The following FGD4 variants were observed in gnomAD, a reference collection of about 807,000 sequenced individuals.
FGD4 encodes the protein FYVE, RhoGEF and PH domain-containing protein 4.
FGD4 carries 42 observed loss-of-function variants against 102.0 expected under a neutral mutation model. That is an observed-to-expected ratio of 0.41 (90% confidence interval 0.32 to 0.53). The LOEUF (loss-of-function observed/expected upper bound fraction) is 0.53. Ranked by LOEUF, FGD4 falls within the 20% of genes least tolerant of loss-of-function variation. The probability of loss-of-function intolerance (pLI) is 0.21; values close to 1 mark genes in which losing one functional copy is unlikely to be tolerated. For missense variants in FGD4, 902 were observed against 1,078.2 expected (o/e 0.84, Z 2.29); for synonymous variants, 380 against 375.7 (o/e 1.01, Z -0.13).
intron 1 of FGD4, among the ~76,000 whole-genome samples, chr12:32,562,185 C>G (rs952393070): frequency 3.3e-5 from 5 of 152,192 alleles, no homozygotes; most frequent in African/African-American, 1.2e-4. Flanking sequence ...TTTCCTTCGC[C>G]TACATTGTAG....
chr12:32,508,629 G>GT (rs905059003), intron 1 of FGD4, among the ~76,000 whole-genome samples: 1 of 152,194 alleles, frequency 6.6e-6, no homozygotes, highest in Non-Finnish European at 1.5e-5. Flanking sequence ...CTGCATGTGT[G>GT]TTTTTTTAGC....
intron 1 of FGD4, among the ~76,000 whole-genome samples, chr12:32,439,040 T>A (rs151185245): frequency 1.3e-5 from 2 of 152,220 alleles, no homozygotes; most frequent in Non-Finnish European, 2.9e-5. Flanking sequence ...ATTATAGATA[T>A]CATGTTGTAC....
Position 32,610,759 on chromosome 12 carries a change from C to CT in FGD4, c.1544-10dup. 3.1e-6 allele frequency: 5 copies of CT among 1,606,328 alleles called. No homozygotes were observed. Among genetic ancestry groups the CT allele is most frequent in the Non-Finnish European group, 2.6e-6 (3 of 1,174,608 alleles). On this transcript the variant is annotated splice_polypyrimidine_tract_variant and intron_variant, in intron 8 of 16. Coordinates refer to ENST00000534526, the MANE Select transcript of FGD4 (RefSeq NM_001370298.3). ...GGACAAAGCATATTTATTTACTTTT[C>CT]TTTTTTTCCCATTTAGAATCACTTG...
chr12:32,579,224 T>G (rs1250629347), intron 3 of FGD4, among the ~76,000 whole-genome samples: 1 of 151,946 alleles, frequency 6.6e-6, no homozygotes, highest in Non-Finnish European at 1.5e-5. Flanking sequence ...ATTTTGTATT[T>G]TTAGTAGAGA....
intron 1 of FGD4, among the ~76,000 whole-genome samples, chr12:32,411,676 A>G (rs1941217283): frequency 6.6e-6 from 1 of 151,634 alleles, no homozygotes; most frequent in Non-Finnish European, 1.5e-5. Flanking sequence ...ATAAAAATCA[A>G]CTCAAAAAGG....
At chr12:32,399,999 C>T in intron 1 of FGD4, 40 bp downstream of exon 1, 8 of 1,424,188 alleles carry the variant, frequency 5.6e-6, no homozygotes, top group African/African-American at 1.5e-5. Flanking sequence ...GGCCCCGGCG[C>T]GTAGGTGCGG....
chr12:32,435,096 A>C (rs965023132), intron 1 of FGD4, among the ~76,000 whole-genome samples: 4 of 152,064 alleles, frequency 2.6e-5, no homozygotes, highest in African/African-American at 4.8e-5. Flanking sequence ...GGCATGCGCC[A>C]CCACGCCTGG....
chr12:32,597,178 TAGAA>T (rs1947977007), intron 4 of FGD4, among the ~76,000 whole-genome samples: 2 of 152,206 alleles, frequency 1.3e-5, no homozygotes, highest in Non-Finnish European at 2.9e-5. Context: ...AGGAAAGTTT[TAGAA>T]AGATCCCTCA....
At chr12:32,468,483 A>G (rs571685412) in intron 1 of FGD4, among the ~76,000 whole-genome samples, 1 of 152,332 alleles carries the variant, frequency 6.6e-6, no homozygotes, top group African/African-American at 2.4e-5. Flanking sequence ...AAAACATTGC[A>G]AACAAATTCA....
At chr12:32,563,181 G>A (rs1397984401) in intron 1 of FGD4, among the ~76,000 whole-genome samples, 6 of 150,676 alleles carry the variant, frequency 4.0e-5, no homozygotes, top group African/African-American at 9.8e-5. Flanking sequence ...GCTGCCGGGC[G>A]GAGACGCTCC....
intron 1 of FGD4, among the ~76,000 whole-genome samples, chr12:32,557,468 T>C (rs1190581660): frequency 1.3e-5 from 2 of 152,218 alleles, no homozygotes; most frequent in African/African-American, 4.8e-5. Flanking sequence ...ACCTCTCAAT[T>C]ATTTATATTT....
intron 1 of FGD4, among the ~76,000 whole-genome samples, chr12:32,493,827 C>T (rs1316779967): frequency 6.6e-6 from 1 of 152,092 alleles, no homozygotes; most frequent in African/African-American, 2.4e-5. Context: ...AACAAACAAG[C>T]CATTGGAATA....
intron 14 of FGD4, among the ~76,000 whole-genome samples, chr12:32,631,037 GT>G (rs1335357166): frequency 6.6e-6 from 1 of 152,030 alleles, no homozygotes; most frequent in Non-Finnish European, 1.5e-5. Flanking sequence ...AATTTTTCTG[GT>G]TTTTGTGTTT....
chr12:32,442,959 A>C (rs1942494277), intron 1 of FGD4, among the ~76,000 whole-genome samples: 1 of 152,136 alleles, frequency 6.6e-6, no homozygotes, highest in Non-Finnish European at 1.5e-5. Context: ...TTTTTCATAT[A>C]TCTGTTGGCC....
At chr12:32,535,345 T>A (rs944313164) in intron 1 of FGD4, among the ~76,000 whole-genome samples, 5 of 152,210 alleles carry the variant, frequency 3.3e-5, no homozygotes, top group African/African-American at 4.8e-5. Flanking sequence ...GGTGTGGCTC[T>A]TTCCTTCCTT....
At chr12:32,408,005 T>G (rs950129970) in intron 1 of FGD4, among the ~76,000 whole-genome samples, 11 of 149,700 alleles carry the variant, frequency 7.3e-5, no homozygotes, top group Non-Finnish European at 1.3e-4. Context: ...TATTTATTTA[T>G]TTATTTAGTT....
chr12:32,625,104 C>T (rs781238340), intron 13 of FGD4, 36 bp downstream of exon 13: 5 of 1,540,570 alleles, frequency 3.2e-6, no homozygotes, highest in South Asian at 2.2e-5. Flanking sequence ...CAACCTCTTT[C>T]ATATCTTTGC....
chr12:32,399,885 G>A lies in FGD4; in HGVS notation c.92G>A (p.Trp31Ter). 1 of 1,530,526 alleles carries A rather than the reference G, an allele frequency of 6.5e-7. No individual in the cohort carries two copies. 94.8% of individuals were successfully genotyped at this position (1,530,526 alleles called of 1,614,324 possible). ...SYLPPGVPRP[W>*]SRPASHLGRV... ...CTGCCGCCCGGGGTGCCCCGGCCCTGGAGCAGGCCCGCGTCGCACCTGGGA... is the reference window on the plus strand; with the variant it reads ...CTGCCGCCCGGGGTGCCCCGGCCCTAGAGCAGGCCCGCGTCGCACCTGGGA... Residue 31 changes from tryptophan to a stop codon, truncating the protein, a stop_gained, in exon 1 of 17, where the codon TGG becomes TAG. Coordinates refer to ENST00000534526, the MANE Select transcript of FGD4 (RefSeq NM_001370298.3). LOFTEE classifies it high-confidence loss of function.
chr12:32,563,025 G>A (rs1185687406), intron 1 of FGD4, among the ~76,000 whole-genome samples: 2 of 150,472 alleles, frequency 1.3e-5, no homozygotes, highest in East Asian at 2.0e-4. Flanking sequence ...CGGACGGGGC[G>A]GCTGGCCGGG....
Sources: allele counts gnomAD v4.1 joint callset (sites outside exome capture counted in the v4.1 genomes callset), GRCh38; gene constraint gnomAD v4.1.1; transcripts MANE v1.5; gene names NCBI Gene and HGNC (gene_info 2026-07-23, HGNC 2026-07-21).